Variants in DMXL1 observed in about 807,000 individuals in gnomAD.
DMXL1 encodes the protein dmX-like protein 1.
A neutral mutation model predicts 319.2 loss-of-function variants in DMXL1; 99 were observed. The ratio of observed to expected loss-of-function variants is 0.31; its 90% CI spans 0.26 to 0.37. The LOEUF (loss-of-function observed/expected upper bound fraction) is 0.37. Ranked by LOEUF, DMXL1 falls within the 10% of genes least tolerant of loss-of-function variation. The pLI, the probability that DMXL1 is intolerant of heterozygous loss-of-function variation, is 1.00. For missense variants in DMXL1, 3,745 were observed against 3,595.6 expected, an observed-to-expected ratio of 1.04 and a Z score of -1.06; for synonymous variants, 1,385 against 1,235.2, an observed-to-expected ratio of 1.12 and a Z score of -2.54.
chr5:119,194,593 T>C (rs1295107602), intron 30 of DMXL1, among the ~76,000 whole-genome samples: 3 of 152,162 alleles, frequency 2.0e-5, no homozygotes, highest in Admixed American at 2.0e-4. Flanking sequence ...AAGAAGTAAA[T>C]ATATGAGGGA....
chr5:119,148,726 A>C lies in DMXL1; in HGVS notation c.2912-13A>C. Reference sequence around the variant, plus strand: ...AAATTTGACATTTTGTTAACGGATTATTTTTATTTTAGGACATCTGAGTTC... The same window carrying C: ...AAATTTGACATTTTGTTAACGGATTCTTTTTATTTTAGGACATCTGAGTTC... On this transcript the variant is annotated splice_polypyrimidine_tract_variant and intron_variant, in intron 17 of 43. Transcript: ENST00000539542. The C allele has an allele frequency of 2.5e-6, 4 of 1,589,922 alleles. No individual in the cohort carries two copies. Among genetic ancestry groups the C allele is most frequent in the Admixed American group, 1.8e-5 (1 of 56,412 alleles).
intron 39 of DMXL1, among the ~76,000 whole-genome samples, chr5:119,235,490 C>T (rs1006494636): frequency 6.6e-6 from 1 of 151,590 alleles, no homozygotes; most frequent in South Asian, 2.1e-4. Context: ...AGAAACTATC[C>T]CATAATGATG....
Position 119,147,065 on chromosome 5 carries a change from G to C in DMXL1, c.2689+109G>C, listed in dbSNP as rs189467401. 2.3e-6 allele frequency: 3 copies of C among 1,282,578 alleles called. No individual in the cohort carries two copies. In the African/African-American group the frequency reaches 4.5e-5, roughly 19 times the overall value. 79.4% of individuals were successfully genotyped at this position (1,282,578 alleles called of 1,614,324 possible). On this transcript the variant is annotated intron_variant, in intron 16 of 43. Coordinates refer to ENST00000539542, the MANE Select transcript of DMXL1 (RefSeq NM_001290321.3). ...TTCTTAAAGCCATTCTCATTAAATGGTGATAACTGTAGATTATTCAATTAA... is the reference window on the plus strand; with the variant it reads ...TTCTTAAAGCCATTCTCATTAAATGCTGATAACTGTAGATTATTCAATTAA...
intron 34 of DMXL1, among the ~76,000 whole-genome samples, chr5:119,209,256 G>C (rs1445098153): frequency 4.6e-5 from 7 of 151,878 alleles, no homozygotes; most frequent in Admixed American, 4.6e-4. Flanking sequence ...GTAGGTATAT[G>C]TTAAACGTTT....
intron 1 of DMXL1, among the ~76,000 whole-genome samples, chr5:119,073,032 T>C (rs1397602805): frequency 6.6e-6 from 1 of 152,200 alleles, no homozygotes; most frequent in Non-Finnish European, 1.5e-5. Flanking sequence ...TTTATATGAG[T>C]GCTTTCTCCA....
At chr5:119,191,870 T>C (rs1458884942) in intron 29 of DMXL1, among the ~76,000 whole-genome samples, 1 of 152,266 alleles carries the variant, frequency 6.6e-6, no homozygotes, top group African/African-American at 2.4e-5. Context: ...CTTACTGTTT[T>C]ACCCAGATCA....
At chr5:119,136,990 C>T (rs1766149311) in intron 13 of DMXL1, among the ~76,000 whole-genome samples, 1 of 152,190 alleles carries the variant, frequency 6.6e-6, no homozygotes, top group Admixed American at 6.5e-5. Flanking sequence ...CCTCCAGACC[C>T]CAAAAAGGTA....
intron 38 of DMXL1, among the ~76,000 whole-genome samples, chr5:119,225,152 C>T (rs1463595326): frequency 1.3e-5 from 2 of 151,940 alleles, no homozygotes; most frequent in Non-Finnish European, 2.9e-5. Context: ...CACTGCCAAC[C>T]TTTATTACAT....
intron 19 of DMXL1, among the ~76,000 whole-genome samples, chr5:119,157,507 A>T (rs1274564954): frequency 1.3e-5 from 2 of 152,196 alleles, no homozygotes. Flanking sequence ...TATATGGTGT[A>T]AGATAATGGT....
chr5:119,091,557 G>A lies in DMXL1; in HGVS notation c.88-6422G>A, dbSNP rs186913147. Among the ~76,000 whole-genome samples the A allele has an allele frequency of 1.8e-3, 275 of 152,208 alleles. 3 individuals carry two copies. The highest frequency in any genetic ancestry group is 1.0e-3 in the Non-Finnish European group (70 of 68,006). ...CCTATGTCTTTGCATTTATGGATTA[G>A]TTATTTATTCTAGTCTTTGGCTTGT... is the stretch of plus-strand genomic sequence containing the variant. On this transcript the variant is annotated intron_variant, in intron 1 of 43. Coordinates refer to ENST00000539542, the MANE Select transcript of DMXL1 (RefSeq NM_001290321.3).
At chr5:119,110,053 C>CT (rs34420938) in intron 4 of DMXL1, 98 bp from the exon 5 acceptor site, 65 of 1,195,790 alleles carry the variant, frequency 5.4e-5, no homozygotes, top group Middle Eastern at 2.9e-4. Flanking sequence ...TGATATTTGA[C>CT]TTTTTTTTAG....
rs1226055096 is a variant in DMXL1 at position 119,146,838 on chromosome 5, C to A, written c.2571C>A (p.Gly857=). 1.6e-5 allele frequency: 25 copies of A among 1,608,844 alleles called. No homozygotes were observed. The highest frequency in any genetic ancestry group is 2.1e-5 in the Non-Finnish European group (25 of 1,177,544). The part of the protein sequence containing the change: ...LGKDSILSNA[G]SSPNGFSEKF... The stretch of plus-strand genomic sequence containing the variant: ...GAAAAATATCATTAATACCAACAGG[C>A]AGCTCACCTAATGGATTTTCTGAGA... The change falls in exon 16 of 44, where the codon GGC becomes GGA. Residue 857 remains glycine, a splice_region_variant and synonymous_variant. Coordinates refer to ENST00000539542, the MANE Select transcript of DMXL1 (RefSeq NM_001290321.3).
intron 3 of DMXL1, among the ~76,000 whole-genome samples, chr5:119,103,943 T>C (rs1757804554): frequency 6.6e-6 from 1 of 152,200 alleles, no homozygotes; most frequent in African/African-American, 2.4e-5. Flanking sequence ...GCTGGTTTAT[T>C]GGCTTATCAG....
At chr5:119,116,467 TCG>T in intron 7 of DMXL1, 131 bp downstream of exon 7, 1 of 996,522 alleles carries the variant, frequency 1.0e-6, no homozygotes, top group Admixed American at 2.5e-5. Context: ...TAATATTAAA[TCG>T]TCTCTGGCCT....
intron 28 of DMXL1, among the ~76,000 whole-genome samples, chr5:119,184,431 A>G (rs1322174711): frequency 6.6e-6 from 1 of 152,130 alleles, no homozygotes; most frequent in Non-Finnish European, 1.5e-5. Context: ...CCAGTTTTCT[A>G]ATATTTCTAA....
chr5:119,124,723 G>A (rs766313891), intron 9 of DMXL1, among the ~76,000 whole-genome samples: 45 of 151,840 alleles, frequency 3.0e-4, no homozygotes, highest in Non-Finnish European at 4.7e-4. Context: ...GAGCCACCAT[G>A]CCTGGCTAAT....
chr5:119,206,744 TTAAAATA>T, intron 33 of DMXL1, 83 bp from the exon 34 acceptor site: 1 of 765,228 alleles, frequency 1.3e-6, no homozygotes, highest in Non-Finnish European at 2.0e-6. Flanking sequence ...TAAATTTGGT[TTAAAATA>T]TAGCATTGAA....
intron 42 of DMXL1, 115 bp downstream of exon 42, chr5:119,240,586 C>T (rs1387385632): frequency 1.3e-6 from 1 of 777,552 alleles, no homozygotes; most frequent in African/African-American, 1.8e-5. Context: ...CATGAGATTT[C>T]TTTTGCCCAG....
chr5:119,159,105 GC>G (rs1354461956), intron 19 of DMXL1, among the ~76,000 whole-genome samples: 3 of 151,852 alleles, frequency 2.0e-5, no homozygotes, highest in Non-Finnish European at 4.4e-5. Flanking sequence ...CAGATTCTAG[GC>G]TTTTGTTTTG....
Sources: allele counts gnomAD v4.1 joint callset (sites outside exome capture counted in the v4.1 genomes callset), GRCh38; gene constraint gnomAD v4.1.1; transcripts MANE v1.5; gene names NCBI Gene and HGNC (gene_info 2026-07-23, HGNC 2026-07-21).